NTRK3: variants seen among roughly 807,000 people sequenced by gnomAD.
The protein encoded by NTRK3 is neurotrophic receptor tyrosine kinase 3, also known as NT-3 growth factor receptor.
Under a neutral mutation model 91.7 loss-of-function variants are expected in NTRK3, and 24 were observed. The observed-to-expected ratio is 0.26, with a 90% CI of 0.19 to 0.37. The LOEUF (loss-of-function observed/expected upper bound fraction) is 0.37. NTRK3 is among the 10% of genes least tolerant of loss of function. The pLI, the probability that NTRK3 is intolerant of heterozygous loss-of-function variation, is 1.00. For synonymous variants in NTRK3, 483 were observed against 404.0 expected, an observed-to-expected ratio of 1.20 and a Z score of -2.34; for missense variants, 880 against 1,068.9, an observed-to-expected ratio of 0.82 and a Z score of 2.46.
chr15:88,097,139 TAAATA>T (rs1345309917), intron 13 of NTRK3, among the ~76,000 whole-genome samples: 1 of 152,240 alleles, frequency 6.6e-6, no homozygotes, highest in Non-Finnish European at 1.5e-5. Context: ...TATATTGGGC[TAAATA>T]AAATATAGTA....
intron 3 of NTRK3, among the ~76,000 whole-genome samples, chr15:88,188,443 T>A (rs2047124405): frequency 6.6e-6 from 1 of 152,150 alleles, no homozygotes; most frequent in African/African-American, 2.4e-5. Flanking sequence ...TTGCTAAACA[T>A]CCTGCAATGC....
At chr15:88,169,487 A>G (rs2045311345) in intron 5 of NTRK3, among the ~76,000 whole-genome samples, 1 of 152,152 alleles carries the variant, frequency 6.6e-6, no homozygotes, top group Admixed American at 6.5e-5. Flanking sequence ...CAAATGAGGC[A>G]CACAGGGAGG....
chr15:88,026,604 C>T (rs1385343369), intron 14 of NTRK3, among the ~76,000 whole-genome samples: 1 of 152,174 alleles, frequency 6.6e-6, no homozygotes, highest in Non-Finnish European at 1.5e-5. Flanking sequence ...TTGTCCAACA[C>T]AAGCAGTGAA....
intron 14 of NTRK3, among the ~76,000 whole-genome samples, chr15:87,992,659 A>G (rs1159808602): frequency 2.0e-5 from 3 of 152,256 alleles, no homozygotes; most frequent in African/African-American, 7.2e-5. Flanking sequence ...CCTTCTCAGC[A>G]TCCCTATGAG....
chr15:88,220,047 G>A (rs2050111224), intron 3 of NTRK3, among the ~76,000 whole-genome samples: 1 of 152,088 alleles, frequency 6.6e-6, no homozygotes, highest in Admixed American at 6.5e-5. Flanking sequence ...AAATCCCCAA[G>A]TAAATCAGAC....
chr15:88,135,283 G>C (rs1337303639), exon 10 of NTRK3: 2 of 1,614,200 alleles, frequency 1.2e-6, no homozygotes, highest in Admixed American at 3.3e-5. Flanking sequence ...CTCCCGCAGA[G>C]GCTGCCCATT....
At chr15:87,895,229 C>A (rs540707768) in intron 17 of NTRK3, among the ~76,000 whole-genome samples, 2 of 152,178 alleles carry the variant, frequency 1.3e-5, no homozygotes, top group Non-Finnish European at 1.5e-5. Flanking sequence ...GAACTGAAGT[C>A]CCACAGTGTC....
chr15:88,108,412 C>A (rs767769093), intron 13 of NTRK3, among the ~76,000 whole-genome samples: 1 of 152,180 alleles, frequency 6.6e-6, no homozygotes, highest in Non-Finnish European at 1.5e-5. Flanking sequence ...AGGATTCAAA[C>A]CTGGTGATCC....
intron 3 of NTRK3, among the ~76,000 whole-genome samples, chr15:88,247,729 C>T (rs2052977279): frequency 6.6e-6 from 1 of 152,142 alleles, no homozygotes; most frequent in Non-Finnish European, 1.5e-5. Flanking sequence ...GAAAATGCAC[C>T]AAACCCTGCC....
chr15:88,158,292 A>G (rs2044108322), intron 5 of NTRK3, among the ~76,000 whole-genome samples: 1 of 152,196 alleles, frequency 6.6e-6, no homozygotes, highest in Admixed American at 6.5e-5. Context: ...CAAATACAGG[A>G]GGTCCAGGTG....
intron 17 of NTRK3, among the ~76,000 whole-genome samples, chr15:87,903,644 G>C (rs1288466440): frequency 6.6e-6 from 1 of 152,214 alleles, no homozygotes. Context: ...AGAACTCAGA[G>C]GACTGGGACT....
intron 13 of NTRK3, among the ~76,000 whole-genome samples, chr15:88,090,464 T>C (rs984382876): frequency 2.0e-5 from 3 of 152,184 alleles, no homozygotes; most frequent in South Asian, 2.1e-4. Flanking sequence ...AGCATTCTCC[T>C]ATAAATATAT....
At chr15:88,176,330 T>A (rs1271348219) in intron 5 of NTRK3, among the ~76,000 whole-genome samples, 2 of 151,950 alleles carry the variant, frequency 1.3e-5, no homozygotes, top group Non-Finnish European at 2.9e-5. Flanking sequence ...AGAGACGGGG[T>A]TTCACCATGT....
At chr15:87,913,740 T>G (rs2067255306) in intron 17 of NTRK3, among the ~76,000 whole-genome samples, 1 of 152,118 alleles carries the variant, frequency 6.6e-6, no homozygotes, top group South Asian at 2.1e-4. Flanking sequence ...TCCCAAACAT[T>G]TGAAAATGAA....
intron 5 of NTRK3, among the ~76,000 whole-genome samples, chr15:88,168,987 G>A (rs902853802): frequency 6.6e-6 from 1 of 152,236 alleles, no homozygotes; most frequent in Non-Finnish European, 1.5e-5. Flanking sequence ...GCGAGTCAGA[G>A]GCTGCATGAA....
intron 14 of NTRK3, among the ~76,000 whole-genome samples, chr15:88,017,394 T>C (rs2077308249): frequency 2.0e-5 from 3 of 152,218 alleles, no homozygotes; most frequent in Admixed American, 2.0e-4. Context: ...TAGCTAAGCA[T>C]CCATGAAGGC....
At chr15:87,938,126 A>G (rs2069476034) in intron 15 of NTRK3, among the ~76,000 whole-genome samples, 2 of 152,182 alleles carry the variant, frequency 1.3e-5, no homozygotes, top group Admixed American at 6.5e-5. Context: ...AGGTTATTTT[A>G]ATGTCACACT....
intron 12 of NTRK3, 52 bp downstream of exon 12, chr15:88,127,110 T>A: frequency 6.8e-7 from 1 of 1,480,842 alleles, no homozygotes; most frequent in Non-Finnish European, 9.4e-7. Context: ...AAATGAAGTC[T>A]GAAAATGACT....
intron 13 of NTRK3, among the ~76,000 whole-genome samples, chr15:88,085,661 C>T (rs1256409867): frequency 2.0e-5 from 3 of 152,170 alleles, no homozygotes; most frequent in African/African-American, 7.2e-5. Flanking sequence ...ATGCAGTAAT[C>T]GCTAACTAAG....
Sources: gnomAD v4.1 joint callset for allele counts (sites outside exome capture counted in the v4.1 genomes callset) on GRCh38, gnomAD v4.1.1 for gene constraint, MANE v1.5 for transcripts, NCBI Gene and HGNC (gene_info 2026-07-23, HGNC 2026-07-21) for gene names.